Variants in TENM4 observed in about 807,000 individuals in gnomAD.
TENM4 encodes teneurin-4.
TENM4 carries 82 observed loss-of-function variants against 243.3 expected under a neutral mutation model. That is an observed-to-expected ratio of 0.34 (90% CI 0.28 to 0.40). The LOEUF (loss-of-function observed/expected upper bound fraction) is 0.40, where lower values mean the gene tolerates loss of function less well. Ranked by LOEUF, TENM4 falls within the 10% of genes least tolerant of loss-of-function variation. TENM4 has a pLI of 1.00. For synonymous variants in TENM4, 1,412 were observed against 1,456.3 expected, an observed-to-expected ratio of 0.97 and a Z score of 0.69; for missense variants, 3,138 against 3,673.3, an observed-to-expected ratio of 0.85 and a Z score of 3.77.
At chr11:78,897,616 G>C (rs952312020) in intron 7 of TENM4, among the ~76,000 whole-genome samples, 2 of 152,186 alleles carry the variant, frequency 1.3e-5, no homozygotes, top group East Asian at 3.9e-4. Flanking sequence ...ATCAGTCATG[G>C]TACCTGTCCT....
chr11:79,403,305 C>T (rs761775331), intron 1 of TENM4, among the ~76,000 whole-genome samples: 4 of 152,212 alleles, frequency 2.6e-5, no homozygotes, highest in Non-Finnish European at 4.4e-5. Flanking sequence ...ATCAACAAAA[C>T]CATGTCTTTT....
At chr11:79,063,252 A>C (rs914404704) in intron 6 of TENM4, among the ~76,000 whole-genome samples, 13 of 152,148 alleles carry the variant, frequency 8.5e-5, no homozygotes, top group Admixed American at 8.5e-4. Context: ...TGCACCACTC[A>C]GTTGGAGCCT....
intron 6 of TENM4, among the ~76,000 whole-genome samples, chr11:78,909,692 T>C (rs1856142108): frequency 6.6e-6 from 1 of 152,220 alleles, no homozygotes. Flanking sequence ...TTCTGAGAAG[T>C]GACATGAGAC....
intron 29 of TENM4, among the ~76,000 whole-genome samples, chr11:78,687,064 G>A (rs957503622): frequency 2.0e-5 from 3 of 152,146 alleles, no homozygotes; most frequent in South Asian, 4.2e-4. Flanking sequence ...GCAGCCCTGT[G>A]GGGCAGGTGT....
intron 1 of TENM4, among the ~76,000 whole-genome samples, chr11:79,412,240 G>C (rs1015774243): frequency 6.6e-6 from 1 of 152,226 alleles, no homozygotes; most frequent in African/African-American, 2.4e-5. Context: ...AGCCTGCCAC[G>C]TAAGGATAAC....
intron 30 of TENM4, 106 bp from the exon 31 acceptor site, chr11:78,672,435 G>T: frequency 8.2e-7 from 1 of 1,226,008 alleles, no homozygotes; most frequent in Non-Finnish European, 1.1e-6. Flanking sequence ...TTGAGTAGAG[G>T]AGGGAGCACA....
intron 9 of TENM4, among the ~76,000 whole-genome samples, chr11:78,884,116 C>T (rs142574385): frequency 6.6e-6 from 1 of 152,344 alleles, no homozygotes; most frequent in Non-Finnish European, 1.5e-5. Context: ...AGAAATTTCA[C>T]CCCAACCCTG....
At chr11:79,369,020 C>T (rs1194135050) in intron 1 of TENM4, among the ~76,000 whole-genome samples, 1 of 152,176 alleles carries the variant, frequency 6.6e-6, no homozygotes, top group South Asian at 2.1e-4. Flanking sequence ...TGTACACAAG[C>T]CCATTCTTGT....
chr11:78,855,163 A>G (rs895080002), intron 11 of TENM4, among the ~76,000 whole-genome samples: 2 of 152,234 alleles, frequency 1.3e-5, no homozygotes, highest in Non-Finnish European at 2.9e-5. Context: ...TGCAGTCAAC[A>G]GGGTCTCAAG....
chr11:79,430,138 G>C (rs952244788), intron 1 of TENM4, among the ~76,000 whole-genome samples: 1 of 149,212 alleles, frequency 6.7e-6, no homozygotes, highest in African/African-American at 2.5e-5. Context: ...ACTTAGCAGC[G>C]TTGGGCTACT....
At chr11:79,423,979 G>A (rs1201493274) in intron 1 of TENM4, among the ~76,000 whole-genome samples, 1 of 152,118 alleles carries the variant, frequency 6.6e-6, no homozygotes, top group Non-Finnish European at 1.5e-5. Flanking sequence ...TCTACTTTGT[G>A]CCAGGCTCCC....
chr11:79,351,036 G>A (rs572821090), intron 1 of TENM4, among the ~76,000 whole-genome samples: 3 of 151,708 alleles, frequency 2.0e-5, no homozygotes, highest in African/African-American at 4.8e-5. Flanking sequence ...CTTCCTTTTC[G>A]CTTTCTTCCT....
intron 3 of TENM4, among the ~76,000 whole-genome samples, chr11:79,202,589 CGGTGGCTTGTTGTTTGGG>C (rs1565247998): frequency 6.6e-6 from 1 of 152,160 alleles, no homozygotes; most frequent in Non-Finnish European, 1.5e-5. Flanking sequence ...GTTTGTTTGG[CGGTGGCTTGTTGTTTGGG>C]GGTGGCTTGT....
intron 8 of TENM4, among the ~76,000 whole-genome samples, chr11:78,890,699 A>G (rs1012138444): frequency 1.3e-5 from 2 of 152,174 alleles, no homozygotes; most frequent in Non-Finnish European, 2.9e-5. Context: ...ACAGACAGGC[A>G]ACTGCACCCT....
At chr11:78,795,419 G>A (rs891864787) in intron 15 of TENM4, among the ~76,000 whole-genome samples, 35 of 152,174 alleles carry the variant, frequency 2.3e-4, no homozygotes, top group Non-Finnish European at 4.7e-4. Flanking sequence ...TTGGAATCAG[G>A]TAAGAGCCTG....
At chr11:79,158,605 G>A (rs1313271918) in intron 3 of TENM4, among the ~76,000 whole-genome samples, 1 of 152,194 alleles carries the variant, frequency 6.6e-6, no homozygotes, top group Non-Finnish European at 1.5e-5. Flanking sequence ...GGGAAGGTGA[G>A]TAGAATGAGA....
rs117516612 is a variant in TENM4 at position 79,018,606 on chromosome 11, T to C, written c.493+46132A>G. ...TTGAAACAATGTGTGCTTATCTCTG[T>C]CTCGGTAGGAAAGAGTGGTCAGAGA... On this transcript the variant is annotated intron_variant, in intron 6 of 33. Coordinates refer to ENST00000278550, the MANE Select transcript of TENM4 (RefSeq NM_001098816.3). Among the ~76,000 whole-genome samples, 131 of 152,248 alleles carry C rather than the reference T, an allele frequency of 8.6e-4. 1 individual carries two copies. The East Asian group carries it at 0.023, about 27-fold the overall frequency.
At chr11:79,062,269 A>G (rs1406114248) in intron 6 of TENM4, among the ~76,000 whole-genome samples, 2 of 152,218 alleles carry the variant, frequency 1.3e-5, no homozygotes, top group Non-Finnish European at 2.9e-5. Flanking sequence ...CCATACAACT[A>G]TTAAGTATTA....
At chr11:79,041,162 C>G (rs1339092131) in intron 6 of TENM4, among the ~76,000 whole-genome samples, 2 of 151,712 alleles carry the variant, frequency 1.3e-5, no homozygotes. Context: ...CTCCCGGGTT[C>G]AAGTGATTCT....
Sources: gnomAD v4.1 joint callset for allele counts (sites outside exome capture counted in the v4.1 genomes callset) on GRCh38, gnomAD v4.1.1 for gene constraint, MANE v1.5 for transcripts, NCBI Gene and HGNC (gene_info 2026-07-23, HGNC 2026-07-21) for gene names.